SPOCK1: variants seen among roughly 807,000 people sequenced by gnomAD.
SPOCK1 encodes the protein testican-1.
SPOCK1 carries 23 observed loss-of-function variants against 55.3 expected under a neutral mutation model. The ratio of observed to expected loss-of-function variants is 0.42; its 90% confidence interval spans 0.30 to 0.59. The LOEUF (loss-of-function observed/expected upper bound fraction) is 0.59. SPOCK1 is among the 20% of genes least tolerant of loss of function. The pLI is 0.22. For synonymous variants in SPOCK1, 226 were observed against 221.0 expected, an observed-to-expected ratio of 1.02 and a Z score of -0.20; for missense variants, 499 against 552.5, an observed-to-expected ratio of 0.90 and a Z score of 0.97.
rs1751690643 is a variant in SPOCK1 at position 137,390,283 on chromosome 5, CT to C, written c.186+108089del. On this transcript the variant is annotated intron_variant, in intron 2 of 10. Transcript: ENST00000394945. Reference sequence around the variant, plus strand: ...ATGCTTGCCTGGAAGCCGTATGTATCTATAAGCAAATAAAGGACATTTGTTC... The same window carrying C: ...ATGCTTGCCTGGAAGCCGTATGTATCATAAGCAAATAAAGGACATTTGTTC... Among the ~76,000 whole-genome samples, 4 of 152,278 alleles carry C rather than the reference CT, an allele frequency of 2.6e-5. No homozygotes were observed. The South Asian group carries it at 8.3e-4, about 32-fold the overall frequency.
rs1041501801 is a variant in SPOCK1, at chr5:137,327,370, G to T, written c.187-60315C>A. On this transcript the variant is annotated intron_variant, in intron 2 of 10. Transcript: ENST00000394945. ...AATTTTTCTGATATAAAAAATACAG[G>T]TTTATTTTTATAATCTTATAAACAA... Among the ~76,000 whole-genome samples, 54 of 152,206 alleles carry T rather than the reference G, an allele frequency of 3.5e-4. 1 individual carries two copies. Among genetic ancestry groups the T allele is most frequent in the Non-Finnish European group, 1.3e-4 (9 of 68,006 alleles).
At chr5:137,080,653 C>T (rs533697081) in intron 5 of SPOCK1, among the ~76,000 whole-genome samples, 4 of 152,220 alleles carry the variant, frequency 2.6e-5, no homozygotes, top group East Asian at 3.9e-4. Context: ...AGCCAGCACA[C>T]AGTAGGTGTC....
At chr5:137,179,459 G>T (rs996546568) in intron 3 of SPOCK1, among the ~76,000 whole-genome samples, 3 of 152,132 alleles carry the variant, frequency 2.0e-5, no homozygotes, top group Admixed American at 6.5e-5. Context: ...GACCTTCAGA[G>T]GTCATCCAAT....
chr5:137,308,485 C>T (rs1179020844), intron 2 of SPOCK1, among the ~76,000 whole-genome samples: 1 of 152,222 alleles, frequency 6.6e-6, no homozygotes, highest in African/African-American at 2.4e-5. Flanking sequence ...TTGAGGGGCA[C>T]CTCAGCAGTG....
At chr5:137,023,176 T>A (rs1161702875) in intron 6 of SPOCK1, among the ~76,000 whole-genome samples, 4 of 152,200 alleles carry the variant, frequency 2.6e-5, no homozygotes, top group Non-Finnish European at 4.4e-5. Context: ...ACTATCTATC[T>A]TACAGGGCTT....
intron 2 of SPOCK1, among the ~76,000 whole-genome samples, chr5:137,290,596 C>T (rs1243226472): frequency 6.6e-6 from 1 of 152,202 alleles, no homozygotes; most frequent in South Asian, 2.1e-4. Flanking sequence ...ACTTTGCACA[C>T]ATGCGTATCA....
At chr5:137,370,564 C>T (rs1342043709) in intron 2 of SPOCK1, among the ~76,000 whole-genome samples, 2 of 152,190 alleles carry the variant, frequency 1.3e-5, no homozygotes, top group Admixed American at 1.3e-4. Context: ...GACACTCGCT[C>T]ATTAAAGAAT....
chr5:137,342,439 T>C (rs1750452420), intron 2 of SPOCK1, among the ~76,000 whole-genome samples: 1 of 152,212 alleles, frequency 6.6e-6, no homozygotes, highest in Admixed American at 6.5e-5. Flanking sequence ...AAAAAATTCA[T>C]TTGGTAGCCC....
intron 3 of SPOCK1, among the ~76,000 whole-genome samples, chr5:137,157,935 G>T (rs1754450619): frequency 6.6e-6 from 1 of 152,134 alleles, no homozygotes; most frequent in Non-Finnish European, 1.5e-5. Context: ...GGTGGCGCTT[G>T]CCTGCAATGC....
At chr5:137,423,023 G>T (rs1430735770) in intron 2 of SPOCK1, among the ~76,000 whole-genome samples, 2 of 152,204 alleles carry the variant, frequency 1.3e-5, no homozygotes, top group Non-Finnish European at 2.9e-5. Context: ...CTCAGCTGCA[G>T]GTCTGTTGGA....
At chr5:137,057,500 A>G (rs1462606471) in intron 6 of SPOCK1, among the ~76,000 whole-genome samples, 2 of 152,188 alleles carry the variant, frequency 1.3e-5, no homozygotes, top group Non-Finnish European at 2.9e-5. Context: ...TGTAATTGCC[A>G]CTTTGGGTTT....
chr5:137,490,421 CA>C (rs1385793972), intron 2 of SPOCK1, among the ~76,000 whole-genome samples: 2 of 152,182 alleles, frequency 1.3e-5, no homozygotes, highest in African/African-American at 4.8e-5. Flanking sequence ...CAACATGATG[CA>C]AAATCAAGAC....
At chr5:137,222,836 G>A (rs949269195) in intron 3 of SPOCK1, among the ~76,000 whole-genome samples, 1 of 152,162 alleles carries the variant, frequency 6.6e-6, no homozygotes, top group Non-Finnish European at 1.5e-5. Context: ...GTGAAAACTG[G>A]TTTTTGAGGG....
intron 6 of SPOCK1, among the ~76,000 whole-genome samples, chr5:137,052,611 A>G (rs1220484287): frequency 6.6e-6 from 1 of 152,228 alleles, no homozygotes; most frequent in East Asian, 1.9e-4. Flanking sequence ...TTATAACTAT[A>G]AATTAGAGAA....
intron 6 of SPOCK1, among the ~76,000 whole-genome samples, chr5:137,005,633 C>T (rs1751233434): frequency 6.6e-6 from 1 of 151,600 alleles, no homozygotes; most frequent in South Asian, 2.1e-4. Flanking sequence ...TGGAGAAGCA[C>T]AAGGGAGAAC....
At chr5:137,324,786 A>G (rs1278829855) in intron 2 of SPOCK1, among the ~76,000 whole-genome samples, 4 of 150,206 alleles carry the variant, frequency 2.7e-5, no homozygotes, top group African/African-American at 1.0e-4. Flanking sequence ...TTTTAACCAC[A>G]ATTAGGAAAA....
At chr5:137,359,263 G>T (rs531065376) in intron 2 of SPOCK1, among the ~76,000 whole-genome samples, 1 of 152,160 alleles carries the variant, frequency 6.6e-6, no homozygotes, top group Non-Finnish European at 1.5e-5. Context: ...ACTCTCATTT[G>T]GTTATAAGAC....
chr5:137,215,762 T>C (rs1755705388), intron 3 of SPOCK1, among the ~76,000 whole-genome samples: 1 of 152,226 alleles, frequency 6.6e-6, no homozygotes, highest in South Asian at 2.1e-4. Context: ...TCAATTTTTG[T>C]AGATTCAGGA....
At chr5:137,107,493 A>G (rs1034254208) in intron 5 of SPOCK1, among the ~76,000 whole-genome samples, 2 of 152,134 alleles carry the variant, frequency 1.3e-5, no homozygotes, top group Non-Finnish European at 2.9e-5. Context: ...TCTGTTCCTT[A>G]TCTTTTATGG....
Sources: gnomAD v4.1 joint callset for allele counts (sites outside exome capture counted in the v4.1 genomes callset) on GRCh38, gnomAD v4.1.1 for gene constraint, MANE v1.5 for transcripts, NCBI Gene and HGNC (gene_info 2026-07-23, HGNC 2026-07-21) for gene names.